CNGA4: variants seen among roughly 807,000 people sequenced by gnomAD.
The protein encoded by CNGA4 is cyclic nucleotide gated channel subunit alpha 4, also known as cyclic nucleotide-gated channel alpha-4.
A neutral mutation model predicts 45.6 loss-of-function variants in CNGA4; 32 were observed. That is an observed-to-expected ratio of 0.70 (90% confidence interval 0.53 to 0.94). CNGA4 has a LOEUF of 0.94. CNGA4 is among the 40% of genes least tolerant of loss of function. CNGA4 has a pLI of 0.00. For missense variants in CNGA4, 726 were observed against 755.1 expected, an observed-to-expected ratio of 0.96 and a Z score of 0.45; for synonymous variants, 293 against 304.6, an observed-to-expected ratio of 0.96 and a Z score of 0.40.
rs1248402286 is a variant in CNGA4 at position 6,240,399 on chromosome 11, T to C, written c.605T>C (p.Val202Ala). Residue 202 changes from valine to alanine, a missense_variant, in exon 4 of 6, where the codon GTG becomes GCG. By Grantham distance (64) the Val-to-Ala change is moderately conservative. Coordinates refer to ENST00000379936, the MANE Select transcript of CNGA4 (RefSeq NM_001037329.4). This position sits in a 1 kb window ranked among gnomAD's most constrained non-coding sequence, Gnocchi z 4.9. ...RYLGFGRDAW[V>A]YPDPAQPGFE... ...CTGGGCTTCGGGCGTGACGCATGGG[T>C]GTACCCGGACCCCGCGCAGCCTGGC... is the stretch of plus-strand genomic sequence containing the variant. 6 of 1,614,210 alleles carry C rather than the reference T, an allele frequency of 3.7e-6. No homozygotes were observed. Among genetic ancestry groups the C allele is most frequent in the Non-Finnish European group, 5.1e-6 (6 of 1,180,042 alleles).
Position 6,240,125 on chromosome 11 carries a change from C to G in CNGA4, c.331C>G (p.Arg111Gly). The G allele has an allele frequency of 6.2e-7, 1 of 1,614,090 alleles. No homozygotes were observed. The highest frequency in any genetic ancestry group is 8.5e-7 in the Non-Finnish European group (1 of 1,179,994). The change falls in exon 4 of 6, where the codon CGC becomes GGC. Residue 111 changes from arginine (R) to glycine (G), a missense_variant. Coordinates refer to ENST00000379936, the MANE Select transcript of CNGA4 (RefSeq NM_001037329.4). This position sits in a 1 kb window ranked among gnomAD's most constrained non-coding sequence, Gnocchi z 4.9. ...GGGTAGGATCTCGAGTCGCTACGTT[C>G]GCACCTGGAGTTTCTTCTTGGACCT... The part of the protein sequence containing the change: ...DKGRISSRYV[R>G]TWSFFLDLAS...
intron 5 of CNGA4, 65 bp from the exon 6 acceptor site, chr11:6,243,884 G>T: frequency 6.9e-7 from 1 of 1,455,432 alleles, no homozygotes; most frequent in South Asian, 1.3e-5. Flanking sequence ...TCCTGGTTCA[G>T]GAGTGAAATG....
Position 6,241,424 on chromosome 11 carries a change from C to A in CNGA4, c.918-7C>A. 1 of 1,567,710 alleles carries A rather than the reference C, an allele frequency of 6.4e-7. No individual in the cohort carries two copies. ...TGGTAAGGAAATGGCACTGTCCTTA[C>A]TCTCAGGTATCAGCACCTGCAGATC... On this transcript the variant is annotated splice_region_variant and splice_polypyrimidine_tract_variant and intron_variant, in intron 4 of 5. Transcript: ENST00000379936.
rs368359516 is a variant in CNGA4, at chr11:6,241,504, C to T, written c.991C>T (p.Arg331Trp). The T allele has an allele frequency of 1.4e-4, 231 of 1,612,912 alleles. No individual in the cohort carries two copies. Among genetic ancestry groups the T allele is most frequent in the Non-Finnish European group, 1.8e-4 (218 of 1,179,264 alleles). Residue 331 changes from arginine to tryptophan, a missense_variant, in exon 5 of 6, where the codon CGG becomes TGG. Coordinates refer to ENST00000379936, the MANE Select transcript of CNGA4 (RefSeq NM_001037329.4). ...CTTACAGCACTTGCCTGAGCGGCTGCGGGCAGAAGTGGCTGTGTCTGTGCA... is the reference window on the plus strand; with the variant it reads ...CTTACAGCACTTGCCTGAGCGGCTGTGGGCAGAAGTGGCTGTGTCTGTGCA... Reference protein sequence around the residue: ...AILQHLPERLRAEVAVSVHLS... With the variant: ...AILQHLPERLWAEVAVSVHLS...
In CNGA4 at chr11:6,240,881, G is replaced by C. The variant is rs994543949; in HGVS notation, c.917+170G>C. ...GAAAAAGGGAACTTCTTTCAACTGA[G>C]GGAATCAGGACTTGGGGGAGGGGTA... On this transcript the variant is annotated intron_variant, in intron 4 of 5. Transcript: ENST00000379936. The surrounding 1 kb of genome is among the most constrained non-coding windows in gnomAD (Gnocchi z 4.9). Among the ~76,000 whole-genome samples, 6 of 152,144 alleles carry C rather than the reference G, an allele frequency of 3.9e-5. No individual in the cohort carries two copies. The highest frequency in any genetic ancestry group is 8.8e-5 in the Non-Finnish European group (6 of 68,022).
In CNGA4 at chr11:6,244,012, G is replaced by C. The variant is rs61746967; in HGVS notation, c.1331G>C (p.Cys444Ser). The C allele has an allele frequency of 0.025, 40,049 of 1,614,152 alleles. 624 individuals are homozygous for C. Among genetic ancestry groups the C allele is most frequent in the Middle Eastern group, 0.032 (191 of 6,062 alleles). ...IKSLGYSDLF[C>S]LSKEDLREVL... is the part of the protein sequence containing the mutation. ...AGCCTAGGTTATTCAGACCTATTCTGCCTGAGCAAGGAGGACCTGCGGGAG... is the reference window on the plus strand; with the variant it reads ...AGCCTAGGTTATTCAGACCTATTCTCCCTGAGCAAGGAGGACCTGCGGGAG... The change falls in exon 6 of 6, where the codon TGC (cysteine) becomes TCC (serine). Residue 444 changes from cysteine to serine, a missense_variant. By Grantham distance (112) the Cys-to-Ser change is moderately radical. Transcript: ENST00000379936. This position sits in a 1 kb window ranked among gnomAD's most constrained non-coding sequence, Gnocchi z 4.5.
At chr11:6,238,952 T>G, upstream of CNGA4, 6 of 1,053,030 alleles carry the variant, frequency 5.7e-6, no homozygotes, top group Non-Finnish European at 7.7e-6. Flanking sequence ...AGGGATCTCA[T>G]TAGAGGTGTT....
rs768736948 is a variant in CNGA4, at chr11:6,244,366, A to G, written c.1685A>G (p.Glu562Gly). 8 of 1,613,836 alleles carry G rather than the reference A, an allele frequency of 5.0e-6. No homozygotes were observed. Among genetic ancestry groups the G allele is most frequent in the Non-Finnish European group, 6.8e-6 (8 of 1,179,898 alleles). The change falls in exon 6 of 6, where the codon GAA becomes GGA. Residue 562 changes from glutamate (E) to glycine (G), a missense_variant. Coordinates refer to ENST00000379936, the MANE Select transcript of CNGA4 (RefSeq NM_001037329.4). The surrounding 1 kb of genome is among the most constrained non-coding windows in gnomAD (Gnocchi z 4.5). ...GEPEEGTSKDEEGRASQEGPP... is the reference protein window; with the variant it reads ...GEPEEGTSKDGEGRASQEGPP... Reference sequence around the variant, plus strand: ...CCTGAGGAGGGAACTTCCAAAGATGAAGAGGGCAGGGCCAGCCAGGAGGGA... The same window carrying G: ...CCTGAGGAGGGAACTTCCAAAGATGGAGAGGGCAGGGCCAGCCAGGAGGGA...
In CNGA4 at chr11:6,244,241, C is replaced by T. The variant is rs760956113; in HGVS notation, c.1560C>T (p.Ser520=). 1 of 1,614,194 alleles carries T rather than the reference C, an allele frequency of 6.2e-7. No homozygotes were observed. The highest frequency in any genetic ancestry group is 1.7e-5 in the Admixed American group (1 of 60,022). The change falls in exon 6 of 6, where the codon TCC becomes TCT. Residue 520 remains serine, a synonymous_variant. Coordinates refer to ENST00000379936, the MANE Select transcript of CNGA4 (RefSeq NM_001037329.4). This position sits in a 1 kb window ranked among gnomAD's most constrained non-coding sequence, Gnocchi z 4.5. ...KFARLLAELE[S]SALKIAYRIE... ...CTCGCCTCCTGGCTGAGCTGGAGTC[C>T]AGCGCACTTAAGATTGCTTACCGCA...
At position 6,244,208 on chromosome 11, in the gene CNGA4, C is replaced by A; in HGVS notation, c.1527C>A (p.Thr509=). ...ACCAGCAGCTGGATGATCTACAGAC[C>A]AAGTTTGCTCGCCTCCTGGCTGAGC... ...GLDQQLDDLQ[T]KFARLLAELE... is the part of the protein sequence containing the mutation. Residue 509 remains threonine, a synonymous_variant, in exon 6 of 6, where the codon ACC becomes ACA. Transcript: ENST00000379936. The surrounding 1 kb of genome is among the most constrained non-coding windows in gnomAD (Gnocchi z 4.5). The A allele has an allele frequency of 1.2e-6, 2 of 1,614,216 alleles. No homozygotes were observed. Among genetic ancestry groups the A allele is most frequent in the Non-Finnish European group, 1.7e-6 (2 of 1,180,032 alleles).
Position 6,244,168 on chromosome 11 carries a change from G to A in CNGA4, c.1487G>A (p.Arg496Gln), listed in dbSNP as rs572949221. 4.8e-5 allele frequency: 77 copies of A among 1,614,074 alleles called. No individual in the cohort carries two copies. Among genetic ancestry groups the A allele is most frequent in the South Asian group, 2.1e-4 (19 of 91,088 alleles). The change falls in exon 6 of 6, where the codon CGG becomes CAG. Residue 496 changes from arginine to glutamine, a missense_variant. By Grantham distance (43) the Arg-to-Gln change is conservative. Coordinates refer to ENST00000379936, the MANE Select transcript of CNGA4 (RefSeq NM_001037329.4). This position sits in a 1 kb window ranked among gnomAD's most constrained non-coding sequence, Gnocchi z 4.5. ...EIALQEATESRLRGLDQQLDD... is the reference protein window; with the variant it reads ...EIALQEATESQLRGLDQQLDD... ...GCCCTGCAGGAGGCCACAGAGTCCCGGCTACGAGGCCTAGACCAGCAGCTG... is the reference window on the plus strand; with the variant it reads ...GCCCTGCAGGAGGCCACAGAGTCCCAGCTACGAGGCCTAGACCAGCAGCTG...
chr11:6,240,452 T>C lies in CNGA4; in HGVS notation c.658T>C (p.Tyr220His), dbSNP rs375229086. The C allele has an allele frequency of 1.2e-6, 2 of 1,614,232 alleles. No individual in the cohort carries two copies. Among genetic ancestry groups the C allele is most frequent in the Non-Finnish European group, 8.5e-7 (1 of 1,180,036 alleles). The change falls in exon 4 of 6, where the codon TAT (tyrosine) becomes CAT (histidine). Residue 220 changes from tyrosine (Y) to histidine (H), a missense_variant. Tyr to His is a moderately conservative substitution (Grantham distance 83). Transcript: ENST00000379936. The surrounding 1 kb of genome is among the most constrained non-coding windows in gnomAD (Gnocchi z 4.9). ...GFERLRRQYL[Y>H]SFYFSTLILT... ...TGAGCGCCTGCGGCGCCAGTACCTC[T>C]ATAGCTTTTACTTCTCCACGCTGAT...
chr11:6,238,749 G>A (rs1358127007), upstream of CNGA4, among the ~76,000 whole-genome samples: 1 of 152,238 alleles, frequency 6.6e-6, no homozygotes, highest in Non-Finnish European at 1.5e-5. Context: ...TTCAGTAATA[G>A]TTGTTAAATA....
chr11:6,243,872 G>A lies in CNGA4; in HGVS notation c.1268-77G>A, dbSNP rs150015060. The A allele has an allele frequency of 7.9e-3, 10,439 of 1,317,972 alleles. 62 individuals carry two copies. The highest frequency in any genetic ancestry group is 9.5e-3 in the Non-Finnish European group (9,077 of 951,592). The allele number at this position is 1,317,972 out of a possible 1,614,324, so 81.6% of individuals were successfully genotyped here. A position where few individuals can be genotyped will look rare whatever the true frequency, so the allele number is the denominator to read the frequency against. On this transcript the variant is annotated intron_variant, in intron 5 of 5. Coordinates refer to ENST00000379936, the MANE Select transcript of CNGA4 (RefSeq NM_001037329.4). ...TCAGAAGCACAAATATGGAGGTGAA[G>A]GTCCTGGTTCAGGAGTGAAATGCCA... is the stretch of plus-strand genomic sequence containing the variant.
upstream of CNGA4, among the ~76,000 whole-genome samples, chr11:6,235,338 C>T (rs1209640028): frequency 6.6e-6 from 1 of 152,192 alleles, no homozygotes; most frequent in Non-Finnish European, 1.5e-5. Context: ...CCCTTGAGCA[C>T]TTAGTCAAGG....
chr11:6,239,284 C>A lies in CNGA4; in HGVS notation c.62+16C>A. On this transcript the variant is annotated intron_variant, in intron 1 of 5. Transcript: ENST00000379936. ...CCAAGGCCAGGTGAGAAGTCCTGGT[C>A]CCTTGTGTGGGATCTCTCCTCATTC... The A allele has an allele frequency of 6.2e-7, 1 of 1,613,894 alleles. No homozygotes were observed. The highest frequency in any genetic ancestry group is 8.5e-7 in the Non-Finnish European group (1 of 1,179,728).
chr11:6,238,091 T>C (rs1201858117), upstream of CNGA4, among the ~76,000 whole-genome samples: 1 of 152,242 alleles, frequency 6.6e-6, no homozygotes, highest in East Asian at 1.9e-4. Context: ...CAACTCCTAT[T>C]CATCCTGCAG....
intron 2 of CNGA4, 60 bp downstream of exon 2, chr11:6,239,545 A>G: frequency 6.3e-7 from 1 of 1,585,594 alleles, no homozygotes; most frequent in Non-Finnish European, 8.7e-7. Context: ...AGAGAGGTCA[A>G]GGAGAAGGGC....
At chr11:6,235,287 C>T (rs1380607367), upstream of CNGA4, among the ~76,000 whole-genome samples, 2 of 152,140 alleles carry the variant, frequency 1.3e-5, no homozygotes, top group Non-Finnish European at 2.9e-5. Flanking sequence ...GGTGACTGCC[C>T]CTGGCTCCCC....
Sources: allele counts gnomAD v4.1 joint callset (sites outside exome capture counted in the v4.1 genomes callset), GRCh38; gene constraint gnomAD v4.1.1; non-coding constraint Gnocchi (gnomAD v3.1); transcripts MANE v1.5; gene names NCBI Gene and HGNC (gene_info 2026-07-23, HGNC 2026-07-21).